The following AKAP9 variants were observed in gnomAD, a reference collection of about 807,000 sequenced individuals.
The protein encoded by AKAP9 is A-kinase anchor protein 9.
In AKAP9, 311 loss-of-function variants were observed where a neutral mutation model predicts 488.5. The observed-to-expected ratio is 0.64, with a 90% CI of 0.58 to 0.70. AKAP9 has a LOEUF of 0.70. AKAP9 is among the 30% of genes least tolerant of loss of function. The probability of loss-of-function intolerance (pLI) is 0.00; values close to 1 mark genes in which losing one functional copy is unlikely to be tolerated. For missense variants in AKAP9, 4,215 were observed against 4,374.5 expected, an observed-to-expected ratio of 0.96 and a Z score of 1.03; for synonymous variants, 1,462 against 1,483.5, an observed-to-expected ratio of 0.99 and a Z score of 0.33.
intron 1 of AKAP9, among the ~76,000 whole-genome samples, chr7:91,971,254 T>C (rs1435742631): frequency 1.3e-5 from 2 of 152,186 alleles, no homozygotes; most frequent in African/African-American, 2.4e-5. Flanking sequence ...TGATCCATTC[T>C]CCTGTTGAGA....
At chr7:91,971,556 A>ATT (rs1169510937) in intron 1 of AKAP9, among the ~76,000 whole-genome samples, 1 of 77,994 alleles carries the variant, frequency 1.3e-5, no homozygotes, top group Admixed American at 1.3e-4. Context: ...ATATACATCT[A>ATT]TTTCTTTTTT....
intron 28 of AKAP9, among the ~76,000 whole-genome samples, chr7:92,076,391 C>G (rs1543300): frequency 0.036 from 5,471 of 152,276 alleles, 280 homozygotes; most frequent in African/African-American, 0.12. Context: ...AACCACATGG[C>G]AGCCAGGCCT....
At chr7:92,027,791 G>A (rs777379540) in intron 14 of AKAP9, among the ~76,000 whole-genome samples, 49 of 152,334 alleles carry the variant, frequency 3.2e-4, no homozygotes, top group East Asian at 9.6e-4. Flanking sequence ...CAACAGCTCC[G>A]AAGAGACAGC....
At chr7:92,007,718 T>C (rs1800112180) in intron 8 of AKAP9, among the ~76,000 whole-genome samples, 1 of 152,202 alleles carries the variant, frequency 6.6e-6, no homozygotes, top group Non-Finnish European at 1.5e-5. Flanking sequence ...AATTGGTTTA[T>C]AGTTTATCTG....
chr7:91,952,133 C>T (rs1012913123), intron 1 of AKAP9, among the ~76,000 whole-genome samples: 2 of 152,128 alleles, frequency 1.3e-5, no homozygotes, highest in African/African-American at 4.8e-5. Flanking sequence ...AGTATTTACT[C>T]GAGCCTCTAC....
intron 12 of AKAP9, among the ~76,000 whole-genome samples, chr7:92,020,355 CT>C (rs1802145885): frequency 6.6e-6 from 1 of 152,170 alleles, no homozygotes; most frequent in Non-Finnish European, 1.5e-5. Flanking sequence ...CCCTCCCAGC[CT>C]TTTTGGTTTG....
chr7:91,979,853 A>G (rs1398456981), intron 2 of AKAP9, among the ~76,000 whole-genome samples: 1 of 152,210 alleles, frequency 6.6e-6, no homozygotes, highest in Non-Finnish European at 1.5e-5. Flanking sequence ...ACAGTGCACA[A>G]TTTAAAACTT....
chr7:92,098,442 C>A (rs1817002284), intron 43 of AKAP9, among the ~76,000 whole-genome samples: 1 of 151,970 alleles, frequency 6.6e-6, no homozygotes, highest in African/African-American at 2.4e-5. Context: ...TTATGTTGAC[C>A]TTTTACTGTA....
chr7:91,967,710 T>C (rs982737169), intron 1 of AKAP9, among the ~76,000 whole-genome samples: 2 of 152,190 alleles, frequency 1.3e-5, no homozygotes, highest in Non-Finnish European at 1.5e-5. Context: ...GCTAGTATTT[T>C]GTTGAGGATT....
intron 15 of AKAP9, among the ~76,000 whole-genome samples, chr7:92,031,060 G>C (rs1202425652): frequency 6.6e-6 from 1 of 152,022 alleles, no homozygotes; most frequent in Admixed American, 6.6e-5. Context: ...AAAAGTTTAT[G>C]GTTTTTTCTA....
In AKAP9 at chr7:92,040,797, G is replaced by A. The variant is rs1255085853; in HGVS notation, c.4816G>A (p.Glu1606Lys). The change falls in exon 18 of 50, where the codon GAA (glutamate) becomes AAA (lysine). Residue 1606 changes from glutamate (E) to lysine (K), a missense_variant. By Grantham distance (56) the Glu-to-Lys change is moderately conservative. Around this residue, in one of 5 missense-constraint regions of AKAP9, gnomAD observed 2,361 missense variants for 2,430.0 expected, o/e 0.97. Coordinates refer to ENST00000356239, the MANE Select transcript of AKAP9 (RefSeq NM_005751.5). ...RQYQEHQQATELLRQAHMRQM... is the reference protein window; with the variant it reads ...RQYQEHQQATKLLRQAHMRQM... ...ATACCAAGAACATCAACAGGCAACG[G>A]AATTGTTAAGGCAAGCACATATGCG... 6.2e-7 allele frequency: 1 copy of A among 1,614,008 alleles called. No individual in the cohort carries two copies. Among genetic ancestry groups the A allele is most frequent in the Admixed American group, 1.7e-5 (1 of 59,986 alleles).
intron 19 of AKAP9, 65 bp from the exon 20 acceptor site, chr7:92,042,603 C>T (rs572578326): frequency 1.8e-6 from 2 of 1,116,684 alleles, no homozygotes; most frequent in South Asian, 2.5e-5. Context: ...GAATGACATG[C>T]TGTTTCCAAG....
chr7:92,045,808 G>A (rs1247998195), intron 21 of AKAP9, among the ~76,000 whole-genome samples: 1 of 150,704 alleles, frequency 6.6e-6, no homozygotes, highest in African/African-American at 2.4e-5. Context: ...CAGCTGTGTG[G>A]ATTCAGCTCT....
Position 92,070,100 on chromosome 7 carries a change from A to G in AKAP9, c.6401A>G (p.Gln2134Arg), listed in dbSNP as rs777446786. The G allele has an allele frequency of 1.2e-6, 2 of 1,614,128 alleles. No individual in the cohort carries two copies. Among genetic ancestry groups the G allele is most frequent in the Admixed American group, 3.3e-5 (2 of 60,020 alleles). ...KCSELLLSKE[Q>R]LQRDIQERNE... Reference sequence around the variant, plus strand: ...AGTGAGCTTTTGCTCTCTAAAGAGCAGCTTCAAAGGGATATACAAGAAAGG... The same window carrying G: ...AGTGAGCTTTTGCTCTCTAAAGAGCGGCTTCAAAGGGATATACAAGAAAGG... The change falls in exon 27 of 50, where the codon CAG (glutamine) becomes CGG (arginine). Residue 2134 changes from glutamine (Q) to arginine (R), a missense_variant. Physicochemically the swap from Gln to Arg is conservative, Grantham distance 43. Around this residue, in one of 5 missense-constraint regions of AKAP9, gnomAD observed 2,361 missense variants for 2,430.0 expected, o/e 0.97. Coordinates refer to ENST00000356239, the MANE Select transcript of AKAP9 (RefSeq NM_005751.5).
chr7:92,067,587 T>A (rs1345159880), intron 26 of AKAP9, among the ~76,000 whole-genome samples: 1 of 152,212 alleles, frequency 6.6e-6, no homozygotes, highest in Non-Finnish European at 1.5e-5. Flanking sequence ...GGTAGCCTCT[T>A]AACCAGTCTC....
intron 8 of AKAP9, among the ~76,000 whole-genome samples, chr7:92,008,995 A>G (rs537319543): frequency 6.6e-6 from 1 of 150,940 alleles, no homozygotes; most frequent in East Asian, 1.9e-4. Context: ...AAAAAAAAAA[A>G]AAAAAGAAAA....
chr7:92,051,870 G>A (rs1482005217), intron 21 of AKAP9, among the ~76,000 whole-genome samples: 2 of 152,176 alleles, frequency 1.3e-5, no homozygotes. Context: ...CTGTTGAGTT[G>A]TAACATCTGC....
chr7:91,959,794 A>C (rs1793506087), intron 1 of AKAP9, among the ~76,000 whole-genome samples: 1 of 152,200 alleles, frequency 6.6e-6, no homozygotes, highest in Non-Finnish European at 1.5e-5. Flanking sequence ...CAATATGTAA[A>C]GTCCTGTGGT....
chr7:92,005,677 T>C (rs1293865399), intron 8 of AKAP9, among the ~76,000 whole-genome samples: 1 of 152,178 alleles, frequency 6.6e-6, no homozygotes, highest in Non-Finnish European at 1.5e-5. Flanking sequence ...TTTGTTTGTT[T>C]GTTTTTGAGA....
Sources: gnomAD v4.1 joint callset for allele counts (sites outside exome capture counted in the v4.1 genomes callset) on GRCh38, gnomAD v4.1.1 for gene constraint, gnomAD v4.1.1 regional missense constraint, MANE v1.5 for transcripts, NCBI Gene and HGNC (gene_info 2026-07-23, HGNC 2026-07-21) for gene names.